AP2A2: variants seen among roughly 807,000 people sequenced by gnomAD.
The protein encoded by AP2A2 is adaptor related protein complex 2 subunit alpha 2.
In AP2A2, 32 loss-of-function variants were observed where a neutral mutation model predicts 104.2. The ratio of observed to expected loss-of-function variants is 0.31; its 90% CI spans 0.23 to 0.41. AP2A2 has a LOEUF of 0.41. AP2A2 is among the 10% of genes least tolerant of loss of function. The probability of loss-of-function intolerance (pLI) is 1.00; values close to 1 mark genes in which losing one functional copy is unlikely to be tolerated. For missense variants in AP2A2, 912 were observed against 1,261.0 expected, an observed-to-expected ratio of 0.72 and a Z score of 4.19; for synonymous variants, 539 against 533.3, an observed-to-expected ratio of 1.01 and a Z score of -0.15.
At chr11:950,904 C>A (rs897647605) in intron 1 of AP2A2, among the ~76,000 whole-genome samples, 47 of 151,820 alleles carry the variant, frequency 3.1e-4, no homozygotes, top group African/African-American at 1.1e-3. Flanking sequence ...ACCAGCCTAG[C>A]CAACATGGTG....
chr11:930,696 A>G (rs1440487818), intron 1 of AP2A2, among the ~76,000 whole-genome samples: 3 of 151,810 alleles, frequency 2.0e-5, no homozygotes, highest in Admixed American at 2.0e-4. Flanking sequence ...AATTTTTTGT[A>G]TTTTTAGTAG....
chr11:1,009,872 A>G (rs1856361521), intron 21 of AP2A2, 55 bp downstream of exon 21: 1 of 1,518,570 alleles, frequency 6.6e-7, no homozygotes, highest in Non-Finnish European at 8.9e-7. Flanking sequence ...ATTCTGGCAC[A>G]ATGTACGTGG....
At chr11:933,471 G>A in intron 1 of AP2A2, 2 of 451,238 alleles carry the variant, frequency 4.4e-6, no homozygotes, top group South Asian at 3.1e-5. Context: ...GAATTTCCGG[G>A]TGGGTGGGAT....
In AP2A2 at chr11:1,011,705, C is replaced by T. The variant is rs878886016; in HGVS notation, c.*1080C>T. The T allele has an allele frequency of 1.5e-5, 5 of 337,074 alleles. No individual in the cohort carries two copies. The highest frequency in any genetic ancestry group is 1.1e-4 in the South Asian group (5 of 45,318). 20.9% of individuals were successfully genotyped at this position (337,074 alleles called of 1,614,324 possible). ...TTGTTTGTCCTAAACACACCCAGCA[C>T]AGGTTCTGGCTTCCTGACATGCTGT... is the stretch of plus-strand genomic sequence containing the variant. On this transcript the variant is annotated 3_prime_UTR_variant, in exon 22 of 22. Transcript: ENST00000448903.
chr11:941,553 G>A (rs558099404), intron 1 of AP2A2, among the ~76,000 whole-genome samples: 166 of 150,792 alleles, frequency 1.1e-3, no homozygotes, highest in Non-Finnish European at 2.0e-3. Context: ...AAGTGCTGGG[G>A]TTACAGGCAT....
intron 1 of AP2A2, among the ~76,000 whole-genome samples, chr11:948,978 C>T (rs1249063211): frequency 6.6e-6 from 1 of 151,266 alleles, no homozygotes; most frequent in Admixed American, 6.6e-5. Flanking sequence ...TTGAGTTCTA[C>T]CAAACACTTA....
At chr11:956,875 ACCCCAGAATATGTGGGGGTTTCT>A (rs1199570716) in intron 1 of AP2A2, 2 of 152,186 alleles carry the variant, frequency 1.3e-5, no homozygotes, top group East Asian at 3.8e-4. Flanking sequence ...GACTTCTGTG[ACCCCAGAATATGTGGGGGTTTCT>A]CCCCATCGGC....
At chr11:1,001,844 T>G (rs1291496545) in intron 15 of AP2A2, among the ~76,000 whole-genome samples, 1 of 152,150 alleles carries the variant, frequency 6.6e-6, no homozygotes, top group Non-Finnish European at 1.5e-5. Flanking sequence ...CGCCTCACAT[T>G]GGGTGGCGCT....
chr11:947,276 G>A (rs1853877787), intron 1 of AP2A2, among the ~76,000 whole-genome samples: 1 of 152,164 alleles, frequency 6.6e-6, no homozygotes, highest in Admixed American at 6.5e-5. Context: ...TTCCCAAAGA[G>A]CTGAGATTGC....
chr11:1,000,033 C>T (rs1179785944), intron 14 of AP2A2, among the ~76,000 whole-genome samples: 3 of 151,518 alleles, frequency 2.0e-5, no homozygotes, highest in African/African-American at 7.3e-5. Context: ...GTCTCGATCT[C>T]CTGACCTCGT....
At chr11:977,357 G>A (rs1589985773) in intron 5 of AP2A2, 133 bp downstream of exon 5, 1 of 1,234,126 alleles carries the variant, frequency 8.1e-7, no homozygotes. Context: ...GCTGCGTGCT[G>A]AGGCCACGGG....
rs190356781 is a variant in AP2A2 at position 929,932 on chromosome 11, G to A, written c.67+3844G>A. ...AGGTCAGGAGTTCAAGACCAGCCTA[G>A]CCAACATAGGGAAACACTGTTTCCA... On this transcript the variant is annotated intron_variant, in intron 1 of 21. Transcript: ENST00000448903. Among the ~76,000 whole-genome samples the A allele has an allele frequency of 3.3e-4, 50 of 151,868 alleles. 1 individual carries two copies. The East Asian group carries it at 8.2e-3, about 25-fold the overall frequency.
At chr11:987,340 T>C (rs1480000839) in intron 9 of AP2A2, among the ~76,000 whole-genome samples, 1 of 152,222 alleles carries the variant, frequency 6.6e-6, no homozygotes, top group African/African-American at 2.4e-5. Flanking sequence ...AAACTCACTT[T>C]GTTCGGGGAT....
chr11:1,008,246 G>A (rs904601010), intron 18 of AP2A2, 111 bp downstream of exon 18: 63 of 1,402,016 alleles, frequency 4.5e-5, no homozygotes, highest in Admixed American at 3.7e-4. Flanking sequence ...CGGGGCGTGC[G>A]GGTGCTCACG....
chr11:1,002,115 A>G (rs1222422978), intron 15 of AP2A2, among the ~76,000 whole-genome samples: 1 of 152,150 alleles, frequency 6.6e-6, no homozygotes, highest in Non-Finnish European at 1.5e-5. Context: ...CCAAGCAGAG[A>G]TACTGACCAC....
At position 941,846 on chromosome 11, in the gene AP2A2, C is replaced by G. The variant is rs1853657766; in HGVS notation, c.67+15758C>G. Among the ~76,000 whole-genome samples the G allele has an allele frequency of 4.6e-5, 7 of 152,096 alleles. No individual in the cohort carries two copies. In the South Asian group the frequency reaches 1.4e-3, roughly 32 times the overall value. On this transcript the variant is annotated intron_variant, in intron 1 of 21. Coordinates refer to ENST00000448903, the MANE Select transcript of AP2A2 (RefSeq NM_012305.4). ...AAGTGATCTGGTGGCCTTGGCCTCC[C>G]AAAGTGGTGGGATTACAAGCATGAA... is the stretch of plus-strand genomic sequence containing the variant.
chr11:991,762 G>A (rs1855663183), intron 10 of AP2A2, among the ~76,000 whole-genome samples: 1 of 151,704 alleles, frequency 6.6e-6, no homozygotes, highest in South Asian at 2.1e-4. Flanking sequence ...GTGGAGAGGG[G>A]GCGGCAGGGT....
chr11:1,009,983 G>A, intron 21 of AP2A2, 166 bp downstream of exon 21: 1 of 806,456 alleles, frequency 1.2e-6, no homozygotes, highest in Non-Finnish European at 1.9e-6. Context: ...CCCCGCAGCT[G>A]GCCACCGTGG....
intron 6 of AP2A2, among the ~76,000 whole-genome samples, chr11:984,360 G>A (rs1589993590): frequency 6.6e-6 from 1 of 152,130 alleles, no homozygotes; most frequent in Non-Finnish European, 1.5e-5. Flanking sequence ...TCATTCACGT[G>A]CCGGTCCACA....
Sources: allele counts gnomAD v4.1 joint callset (sites outside exome capture counted in the v4.1 genomes callset), GRCh38; gene constraint gnomAD v4.1.1; transcripts MANE v1.5; gene names NCBI Gene and HGNC (gene_info 2026-07-23, HGNC 2026-07-21).